ACAP1: variants seen among roughly 807,000 people sequenced by gnomAD.
ACAP1 encodes the protein ArfGAP with coiled-coil, ankyrin repeat and PH domains 1, also known as arf-GAP with coiled-coil, ANK repeat and PH domain-containing protein 1.
ACAP1 carries 45 observed loss-of-function variants against 98.8 expected under a neutral mutation model. That is an observed-to-expected ratio of 0.46 (90% CI 0.36 to 0.58). ACAP1 has a LOEUF of 0.58. Ranked by LOEUF, ACAP1 falls within the 20% of genes least tolerant of loss-of-function variation. The pLI, the probability that ACAP1 is intolerant of heterozygous loss-of-function variation, is 0.00. For synonymous variants in ACAP1, 362 were observed against 375.3 expected, an observed-to-expected ratio of 0.96 and a Z score of 0.41; for missense variants, 735 against 971.4, an observed-to-expected ratio of 0.76 and a Z score of 3.24.
In ACAP1 at chr17:7,337,373, A is replaced by C; in HGVS notation, c.111+4A>C. The C allele has an allele frequency of 6.2e-7, 1 of 1,614,006 alleles. No homozygotes were observed. The highest frequency in any genetic ancestry group is 8.5e-7 in the Non-Finnish European group (1 of 1,179,880). On this transcript the variant is annotated splice_donor_region_variant and intron_variant, in intron 2 of 21. Coordinates refer to ENST00000158762, the MANE Select transcript of ACAP1 (RefSeq NM_014716.4). ...ATTGGAGACCCGTCTGGAAAAGGTG[A>C]CCCTGACATGGAGAGGTGACCCAGG...
At position 7,342,052 on chromosome 17, in the gene ACAP1, A is replaced by T; in HGVS notation, c.216A>T (p.Pro72=). 3 of 1,613,722 alleles carry T rather than the reference A, an allele frequency of 1.9e-6. No individual in the cohort carries two copies. Among genetic ancestry groups the T allele is most frequent in the Non-Finnish European group, 2.5e-6 (3 of 1,179,926 alleles). ...GTGACCTGGCCCGCCTGGGTCCACC[A>T]GAGCCCATGATGGCGGTATGCGGAG... ...GICDLARLGP[P]EPMMAECLEK... The change falls in exon 3 of 22, where the codon CCA becomes CCT. Residue 72 remains proline (P), a synonymous_variant. Coordinates refer to ENST00000158762, the MANE Select transcript of ACAP1 (RefSeq NM_014716.4).
At position 7,350,330 on chromosome 17, in the gene ACAP1, C is replaced by G; in HGVS notation, c.2072+93C>G. 1 of 1,053,038 alleles carries G rather than the reference C, an allele frequency of 9.5e-7. No homozygotes were observed. Among genetic ancestry groups the G allele is most frequent in the South Asian group, 1.5e-5 (1 of 67,634 alleles). The allele number at this position is 1,053,038 out of a possible 1,614,324, so 65.2% of individuals were successfully genotyped here. On this transcript the variant is annotated intron_variant, in intron 20 of 21. Coordinates refer to ENST00000158762, the MANE Select transcript of ACAP1 (RefSeq NM_014716.4). This position sits in a 1 kb window ranked among gnomAD's most constrained non-coding sequence, Gnocchi z 4.6. ...CGGGCGGGCGGGGCTGACGCCGAAA[C>G]AGAAGCCTGTGCTGTGGGGCCTCGG...
chr17:7,346,229 T>A lies in ACAP1; in HGVS notation c.855-15T>A, dbSNP rs776640237. 1.2e-6 allele frequency: 2 copies of A among 1,613,506 alleles called. No individual in the cohort carries two copies. The highest frequency in any genetic ancestry group is 8.5e-7 in the Non-Finnish European group (1 of 1,179,426). Reference sequence around the variant, plus strand: ...TAAAGCTGCCTATGTCTGTAATGATTTCCTTCTCTTACAGACGCTGGTTCA... The same window carrying A: ...TAAAGCTGCCTATGTCTGTAATGATATCCTTCTCTTACAGACGCTGGTTCA... On this transcript the variant is annotated splice_polypyrimidine_tract_variant and intron_variant, in intron 10 of 21. Coordinates refer to ENST00000158762, the MANE Select transcript of ACAP1 (RefSeq NM_014716.4).
At chr17:7,346,359 A>T in intron 11 of ACAP1, 32 bp from the exon 12 acceptor site, 1 of 1,613,844 alleles carries the variant, frequency 6.2e-7, no homozygotes, top group Non-Finnish European at 8.5e-7. Flanking sequence ...CTGCAGCTGG[A>T]CATCTGGCCC....
intron 2 of ACAP1, among the ~76,000 whole-genome samples, chr17:7,340,114 G>GTT (rs1473053631): frequency 6.6e-6 from 1 of 151,666 alleles, no homozygotes; most frequent in African/African-American, 2.4e-5. Flanking sequence ...GTTCTGTTTT[G>GTT]TTTTTAAATT....
In ACAP1 at chr17:7,346,245, C is replaced by T. The variant is rs765340254; in HGVS notation, c.856C>T (p.Arg286Cys). 1.1e-5 allele frequency: 18 copies of T among 1,613,970 alleles called. No individual in the cohort carries two copies. Among genetic ancestry groups the T allele is most frequent in the South Asian group, 5.5e-5 (5 of 91,076 alleles). Reference protein sequence around the residue: ...ASNAFKTWSRRWFTIQSNQLV... With the variant: ...ASNAFKTWSRCWFTIQSNQLV... ...TGTAATGATTTCCTTCTCTTACAGA[C>T]GCTGGTTCACCATTCAGAGCAACCA... The change falls in exon 11 of 22, where the codon CGC becomes TGC. Residue 286 changes from arginine (R) to cysteine (C), a missense_variant and splice_region_variant. Arg to Cys is a radical substitution (Grantham distance 180). Coordinates refer to ENST00000158762, the MANE Select transcript of ACAP1 (RefSeq NM_014716.4).
rs1597645694 is a variant in ACAP1 at position 7,336,599 on chromosome 17, C to T, written c.-136C>T. On this transcript the variant is annotated 5_prime_UTR_variant, in exon 1 of 22. Transcript: ENST00000158762. ...CTTTCCCCTTGGGGAAAGAATTGTG[C>T]CCCCAGGCCCTTCCCCGCGGAGGTC... 4 of 859,254 alleles carry T rather than the reference C, an allele frequency of 4.7e-6. No homozygotes were observed. Among genetic ancestry groups the T allele is most frequent in the South Asian group, 2.9e-5 (2 of 70,074 alleles). The allele number at this position is 859,254 out of a possible 1,614,324, so 53.2% of individuals were successfully genotyped here.
rs550794555 is a variant in ACAP1, at chr17:7,350,161, C to T, written c.1996C>T (p.Leu666=). ...ACLFLKRGAD[L]GARDSEGRDP... ...CCTGTTCCTGAAACGGGGAGCTGAT[C>T]TGGGGGCTCGAGACTCTGAAGGCAG... is the stretch of plus-strand genomic sequence containing the variant. The change falls in exon 20 of 22, where the codon CTG becomes TTG. Residue 666 remains leucine (L), a synonymous_variant. Transcript: ENST00000158762. The surrounding 1 kb of genome is among the most constrained non-coding windows in gnomAD (Gnocchi z 4.6). 3 of 1,614,108 alleles carry T rather than the reference C, an allele frequency of 1.9e-6. No homozygotes were observed. The highest frequency in any genetic ancestry group is 4.5e-5 in the East Asian group (2 of 44,892).
At chr17:7,336,914 G>A (rs2073225954) in intron 1 of ACAP1, 127 bp downstream of exon 1, 5 of 975,888 alleles carry the variant, frequency 5.1e-6, no homozygotes, top group Admixed American at 2.1e-5. Flanking sequence ...CGAGCCTGTG[G>A]GCCAAAGTGG....
In ACAP1 at chr17:7,336,539, G is replaced by T; in HGVS notation, c.-196G>T. ...GCCCCTGCCCCTCCCAGCACTGCCT[G>T]GAAGTGTGGGGTGAGAGCTCCTCCT... On this transcript the variant is annotated 5_prime_UTR_variant, in exon 1 of 22. Coordinates refer to ENST00000158762, the MANE Select transcript of ACAP1 (RefSeq NM_014716.4). 1.7e-6 allele frequency: 1 copy of T among 592,492 alleles called. No homozygotes were observed. Among genetic ancestry groups the T allele is most frequent in the Non-Finnish European group, 3.0e-6 (1 of 331,268 alleles). 36.7% of individuals were successfully genotyped at this position (592,492 alleles called of 1,614,324 possible).
In ACAP1 at chr17:7,351,451, C is replaced by A; in HGVS notation, c.*56C>A. ...CCTTCCCCGCCACCGGGCCCTCTGC[C>A]ATTAAAGCCTCCGTGCTTCGCTCTT... On this transcript the variant is annotated 3_prime_UTR_variant, in exon 22 of 22. Coordinates refer to ENST00000158762, the MANE Select transcript of ACAP1 (RefSeq NM_014716.4). 1.5e-6 allele frequency: 2 copies of A among 1,308,272 alleles called. No homozygotes were observed. Among genetic ancestry groups the A allele is most frequent in the Non-Finnish European group, 2.2e-6 (2 of 925,018 alleles). 81.0% of individuals were successfully genotyped at this position (1,308,272 alleles called of 1,614,324 possible).
rs1185786961 is a variant in ACAP1 at position 7,344,774 on chromosome 17, C to T, written c.854+126C>T. 3.0e-6 allele frequency: 2 copies of T among 662,438 alleles called. No individual in the cohort carries two copies. The highest frequency in any genetic ancestry group is 5.3e-6 in the Non-Finnish European group (2 of 376,406). The allele number at this position is 662,438 out of a possible 1,614,324, so 41.0% of individuals were successfully genotyped here. ...CTGCCTCAGTAGAGTTTCATTCCAT[C>T]AGCAAAGACAGAGGATAAACCTAGT... On this transcript the variant is annotated intron_variant, in intron 10 of 21. Transcript: ENST00000158762. This position sits in a 1 kb window ranked among gnomAD's most constrained non-coding sequence, Gnocchi z 4.9.
rs1429335651 is a variant in ACAP1 at position 7,344,694 on chromosome 17, AT to A, written c.854+50del. On this transcript the variant is annotated intron_variant, in intron 10 of 21. Transcript: ENST00000158762. This position sits in a 1 kb window ranked among gnomAD's most constrained non-coding sequence, Gnocchi z 4.9. ...ATCAGCCCGCCCCACCCAATGATGT[AT>A]TTTCGAGTGGTAATAGCACACTAAG... 1 of 1,417,812 alleles carries A rather than the reference AT, an allele frequency of 7.1e-7. No homozygotes were observed. The highest frequency in any genetic ancestry group is 2.0e-5 in the Admixed American group (1 of 50,646). 87.8% of individuals were successfully genotyped at this position (1,417,812 alleles called of 1,614,324 possible).
At chr17:7,348,666 C>G in intron 17 of ACAP1, 191 bp downstream of exon 17, 1 of 662,792 alleles carries the variant, frequency 1.5e-6, no homozygotes, top group Non-Finnish European at 2.4e-6. Context: ...TGGGCGTGGG[C>G]AGGGAGGGTA....
In ACAP1 at chr17:7,347,118, G is replaced by C. The variant is rs144821659; in HGVS notation, c.1219G>C (p.Val407Leu). ...AAGGGAGCCTGGGGGAGTCGGGCAC[G>C]TGGTGGCCCAGGTCCAGAGTGTGGA... ...RGREPGGVGH[V>L]VAQVQSVDGN... is the part of the protein sequence containing the mutation. Residue 407 changes from valine to leucine, a missense_variant, in exon 14 of 22, where the codon GTG (valine) becomes CTG (leucine). By Grantham distance (32) the Val-to-Leu change is conservative. This residue lies in a region of ACAP1 where 430 missense variants were observed against 531.8 expected (regional missense o/e 0.81). Transcript: ENST00000158762. The C allele has an allele frequency of 5.0e-6, 8 of 1,613,968 alleles. No individual in the cohort carries two copies. In the African/African-American group the frequency reaches 8.0e-5, roughly 16 times the overall value.
chr17:7,342,189 A>G, intron 3 of ACAP1, 86 bp from the exon 4 acceptor site: 1 of 1,606,540 alleles, frequency 6.2e-7, no homozygotes, highest in Admixed American at 1.7e-5. Context: ...GCTGCTGTCC[A>G]TGACAGCCGT....
Position 7,344,686 on chromosome 17 carries a change from A to G in ACAP1, c.854+38A>G. ...CACCCCCAATCAGCCCGCCCCACCCAATGATGTATTTTCGAGTGGTAATAG... is the reference window on the plus strand; with the variant it reads ...CACCCCCAATCAGCCCGCCCCACCCGATGATGTATTTTCGAGTGGTAATAG... On this transcript the variant is annotated intron_variant, in intron 10 of 21. Coordinates refer to ENST00000158762, the MANE Select transcript of ACAP1 (RefSeq NM_014716.4). The surrounding 1 kb of genome is among the most constrained non-coding windows in gnomAD (Gnocchi z 4.9). 4 of 1,464,862 alleles carry G rather than the reference A, an allele frequency of 2.7e-6. No individual in the cohort carries two copies. The highest frequency in any genetic ancestry group is 3.7e-6 in the Non-Finnish European group (4 of 1,068,430). 90.7% of individuals were successfully genotyped at this position (1,464,862 alleles called of 1,614,324 possible).
Position 7,344,629 on chromosome 17 carries a change from G to A in ACAP1, c.835G>A (p.Ala279Thr), listed in dbSNP as rs1376239447. 20 of 1,551,470 alleles carry A rather than the reference G, an allele frequency of 1.3e-5. No homozygotes were observed. Among genetic ancestry groups the A allele is most frequent in the Middle Eastern group, 3.3e-4 (2 of 5,982 alleles). Residue 279 changes from alanine to threonine, a missense_variant, in exon 10 of 22, where the codon GCA (alanine) becomes ACA (threonine). Ala to Thr is a moderately conservative substitution (Grantham distance 58, BLOSUM62 0). Coordinates refer to ENST00000158762, the MANE Select transcript of ACAP1 (RefSeq NM_014716.4). The surrounding 1 kb of genome is among the most constrained non-coding windows in gnomAD (Gnocchi z 4.9). The stretch of plus-strand genomic sequence containing the variant: ...ACATCTCTTCAAACGGGCCAGCAAC[G>A]CATTTAAGACCTGGAGCAGGTGAGG... ...EGHLFKRASN[A>T]FKTWSRRWFT...
rs748711896 is a variant in ACAP1, at chr17:7,349,950, T to C, written c.1857T>C (p.Ser619=). 7 of 1,604,972 alleles carry C rather than the reference T, an allele frequency of 4.4e-6. No homozygotes were observed. In the Admixed American group the frequency reaches 1.2e-4, roughly 27 times the overall value. The change falls in exon 19 of 22, where the codon TCT becomes TCC. Residue 619 remains serine, a synonymous_variant. Transcript: ENST00000158762. ...TTCTCGACTTCTCCATGCAGAATTC[T>C]CTTCTGGCCTGTGAGTTTCTCCTCC... ...TPLIQATAAN[S]LLACEFLLQN...
Sources: allele counts gnomAD v4.1 joint callset (sites outside exome capture counted in the v4.1 genomes callset), GRCh38; gene constraint gnomAD v4.1.1; regional missense constraint gnomAD v4.1.1; non-coding constraint Gnocchi (gnomAD v3.1); transcripts MANE v1.5; gene names NCBI Gene and HGNC (gene_info 2026-07-23, HGNC 2026-07-21).